Variants in LUZP2 observed in about 807,000 individuals in gnomAD.
LUZP2 encodes the protein leucine zipper protein 2.
A neutral mutation model predicts 51.6 loss-of-function variants in LUZP2; 52 were observed. The observed-to-expected ratio is 1.01, with a 90% confidence interval of 0.81 to 1.27. The LOEUF is 1.27. Ranked by LOEUF, LUZP2 falls within the 50% of genes most tolerant of loss-of-function variation. The pLI, the probability that LUZP2 is intolerant of heterozygous loss-of-function variation, is 0.00. For synonymous variants in LUZP2, 154 were observed against 137.3 expected (o/e 1.12, Z -0.85); for missense variants, 436 against 395.4 (o/e 1.10, Z -0.87).
At chr11:24,860,575 T>C (rs1237758935) in intron 5 of LUZP2, among the ~76,000 whole-genome samples, 1 of 152,082 alleles carries the variant, frequency 6.6e-6, no homozygotes, top group Non-Finnish European at 1.5e-5. Flanking sequence ...ATCAGAGGTC[T>C]CAAAAGAAGG....
At chr11:24,695,408 A>G (rs897645846) in intron 1 of LUZP2, among the ~76,000 whole-genome samples, 1 of 152,092 alleles carries the variant, frequency 6.6e-6, no homozygotes, top group African/African-American at 2.4e-5. Context: ...TTGTGTAATG[A>G]TAAAATTATG....
intron 5 of LUZP2, among the ~76,000 whole-genome samples, chr11:24,872,379 A>G (rs1259308136): frequency 6.6e-6 from 1 of 152,032 alleles, no homozygotes; most frequent in Non-Finnish European, 1.5e-5. Context: ...TGCTTGCTCT[A>G]TTTGCTGCTG....
chr11:24,681,297 C>G (rs1430286320), intron 1 of LUZP2, among the ~76,000 whole-genome samples: 1 of 152,122 alleles, frequency 6.6e-6, no homozygotes, highest in African/African-American at 2.4e-5. Context: ...CCTTATTTCT[C>G]TAAGACCATG....
chr11:24,765,789 G>C (rs1860168932), intron 5 of LUZP2, among the ~76,000 whole-genome samples: 1 of 151,798 alleles, frequency 6.6e-6, no homozygotes, highest in Non-Finnish European at 1.5e-5. Flanking sequence ...ACCACGCCTG[G>C]CTAATTTTTT....
intron 4 of LUZP2, 125 bp downstream of exon 4, chr11:24,738,427 ATCAG>A: frequency 1.5e-6 from 1 of 673,184 alleles, no homozygotes; most frequent in Non-Finnish European, 2.6e-6. Context: ...TAAAAGAAGC[ATCAG>A]TCAATGTGAA....
intron 5 of LUZP2, among the ~76,000 whole-genome samples, chr11:24,885,788 T>C (rs1852650756): frequency 1.3e-5 from 2 of 152,122 alleles, no homozygotes; most frequent in South Asian, 4.1e-4. Context: ...CTATGGGAGA[T>C]AAGGAACTAA....
chr11:24,978,975 T>C (rs1361056212), intron 8 of LUZP2, among the ~76,000 whole-genome samples: 1 of 151,726 alleles, frequency 6.6e-6, no homozygotes, highest in Non-Finnish European at 1.5e-5. Flanking sequence ...GTTGTAGTGG[T>C]TAAATAATGG....
chr11:25,013,680 A>G (rs1211251833), intron 9 of LUZP2, among the ~76,000 whole-genome samples: 1 of 152,130 alleles, frequency 6.6e-6, no homozygotes, highest in Non-Finnish European at 1.5e-5. Flanking sequence ...TATAGACATA[A>G]GGTCACCCAA....
At chr11:24,735,915 C>T (rs1858920797) in intron 3 of LUZP2, among the ~76,000 whole-genome samples, 1 of 151,850 alleles carries the variant, frequency 6.6e-6, no homozygotes, top group African/African-American at 2.4e-5. Flanking sequence ...GATAACTTAG[C>T]AAGTCTTTGA....
chr11:24,500,229 A>G (rs1590106592), intron 1 of LUZP2, among the ~76,000 whole-genome samples: 1 of 152,192 alleles, frequency 6.6e-6, no homozygotes, highest in East Asian at 1.9e-4. Context: ...GGTAAACCCC[A>G]TAGAGTTTTA....
intron 6 of LUZP2, among the ~76,000 whole-genome samples, chr11:24,908,832 T>C (rs957452387): frequency 2.4e-4 from 37 of 151,054 alleles, no homozygotes; most frequent in African/African-American, 8.7e-4. Context: ...CTAGGCTCAC[T>C]GCAAGCTCCA....
chr11:24,791,685 C>T (rs991757703), intron 5 of LUZP2, among the ~76,000 whole-genome samples: 1 of 151,724 alleles, frequency 6.6e-6, no homozygotes, highest in Non-Finnish European at 1.5e-5. Flanking sequence ...TAAATTAGTT[C>T]TTTGATTATT....
intron 1 of LUZP2, among the ~76,000 whole-genome samples, chr11:24,644,013 C>T (rs1398028388): frequency 6.6e-6 from 1 of 152,204 alleles, no homozygotes; most frequent in East Asian, 1.9e-4. Context: ...CATGATACCG[C>T]TTCCAAATAT....
intron 5 of LUZP2, chr11:24,891,515 A>G: frequency 1.0e-6 from 1 of 954,476 alleles, no homozygotes; most frequent in African/African-American, 1.8e-5. Flanking sequence ...GCGAAAATCA[A>G]AAGGAAGATA....
rs545362291 is a variant in LUZP2, at chr11:25,011,209, T to C, written c.765+27916T>C. Among the ~76,000 whole-genome samples, 3 of 152,328 alleles carry C rather than the reference T, an allele frequency of 2.0e-5. No homozygotes were observed. The South Asian group carries it at 6.2e-4, about 32-fold the overall frequency. On this transcript the variant is annotated intron_variant, in intron 9 of 11. Coordinates refer to ENST00000336930, the MANE Select transcript of LUZP2 (RefSeq NM_001009909.4). The stretch of plus-strand genomic sequence containing the variant: ...TCAATGAACAAACCAATTACTAAGT[T>C]AATGAATGAATGATCTGAGAAAAGG...
At chr11:24,713,289 G>C (rs1264929656) in intron 1 of LUZP2, among the ~76,000 whole-genome samples, 1 of 152,040 alleles carries the variant, frequency 6.6e-6, no homozygotes, top group Non-Finnish European at 1.5e-5. Context: ...TATTGAAAAT[G>C]TTTCCCAGGA....
chr11:24,983,586 T>G (rs1476620356), intron 9 of LUZP2, among the ~76,000 whole-genome samples: 1 of 151,750 alleles, frequency 6.6e-6, no homozygotes, highest in Non-Finnish European at 1.5e-5. Flanking sequence ...AGAGAATATC[T>G]TGTATTACAT....
chr11:24,776,568 A>G (rs545884808), intron 5 of LUZP2, among the ~76,000 whole-genome samples: 3 of 152,336 alleles, frequency 2.0e-5, no homozygotes, highest in East Asian at 3.9e-4. Context: ...AATATCCTTC[A>G]AATCATAGAA....
chr11:24,882,126 C>T (rs1352981569), intron 5 of LUZP2, among the ~76,000 whole-genome samples: 1 of 151,766 alleles, frequency 6.6e-6, no homozygotes, highest in Admixed American at 6.6e-5. Flanking sequence ...TTATTAATAC[C>T]ACCTCTGTAT....
Sources: gnomAD v4.1 joint callset for allele counts (sites outside exome capture counted in the v4.1 genomes callset) on GRCh38, gnomAD v4.1.1 for gene constraint, MANE v1.5 for transcripts, NCBI Gene and HGNC (gene_info 2026-07-23, HGNC 2026-07-21) for gene names.